Variants in LRRC4C observed in about 807,000 individuals in gnomAD.
LRRC4C encodes the protein leucine rich repeat containing 4C.
A neutral mutation model predicts 33.6 loss-of-function variants in LRRC4C; 5 were observed. The observed-to-expected ratio is 0.15, with a 90% CI of 0.08 to 0.31. LRRC4C has a LOEUF of 0.31. Among genes scored for constraint, LRRC4C ranks in the 10% least tolerant of loss-of-function variants. The pLI is 1.00. For missense variants in LRRC4C, 560 were observed against 796.7 expected, an observed-to-expected ratio of 0.70 and a Z score of 3.58; for synonymous variants, 329 against 302.0, an observed-to-expected ratio of 1.09 and a Z score of -0.93.
At chr11:40,744,918 A>C (rs1360890744) in intron 2 of LRRC4C, among the ~76,000 whole-genome samples, 1 of 152,206 alleles carries the variant, frequency 6.6e-6, no homozygotes, top group Non-Finnish European at 1.5e-5. Flanking sequence ...TACCAACTAC[A>C]GTAACATATA....
chr11:40,121,428 T>C (rs530420475), intron 6 of LRRC4C, among the ~76,000 whole-genome samples: 1 of 152,344 alleles, frequency 6.6e-6, no homozygotes, highest in Non-Finnish European at 1.5e-5. Flanking sequence ...AAAAGGTTTT[T>C]TACTTTAATA....
intron 1 of LRRC4C, among the ~76,000 whole-genome samples, chr11:41,355,522 C>T (rs1003436195): frequency 2.0e-5 from 3 of 152,002 alleles, no homozygotes; most frequent in African/African-American, 7.2e-5. Flanking sequence ...GTTGTTAATT[C>T]TTCCCAATTT....
intron 1 of LRRC4C, among the ~76,000 whole-genome samples, chr11:41,263,543 GT>G (rs1949050568): frequency 6.6e-6 from 1 of 152,218 alleles, no homozygotes; most frequent in South Asian, 2.1e-4. Context: ...TAAGATAATT[GT>G]TTTCTGCTAG....
At chr11:40,890,945 G>C (rs1046418600) in intron 2 of LRRC4C, among the ~76,000 whole-genome samples, 1 of 152,106 alleles carries the variant, frequency 6.6e-6, no homozygotes, top group Non-Finnish European at 1.5e-5. Context: ...AGGTCTCTTC[G>C]AAACTTGCCA....
At chr11:40,343,032 A>T (rs11035789) in intron 3 of LRRC4C, among the ~76,000 whole-genome samples, 73,735 of 151,416 alleles carry the variant, frequency 0.49, 18,533 homozygotes, top group East Asian at 0.84. Context: ...TTATATATAT[A>T]TTTTTTGCCT....
intron 1 of LRRC4C, among the ~76,000 whole-genome samples, chr11:41,272,979 A>G (rs1202806947): frequency 1.3e-5 from 2 of 152,200 alleles, no homozygotes; most frequent in Admixed American, 6.6e-5. Context: ...CATAAATTCA[A>G]CAAATATTTA....
chr11:41,235,856 A>G (rs1306212031), intron 1 of LRRC4C, among the ~76,000 whole-genome samples: 1 of 152,072 alleles, frequency 6.6e-6, no homozygotes, highest in Admixed American at 6.6e-5. Flanking sequence ...CTTTCAATTC[A>G]GCCTCCTTGA....
intron 2 of LRRC4C, among the ~76,000 whole-genome samples, chr11:40,728,851 G>C (rs1023803842): frequency 6.6e-6 from 1 of 151,914 alleles, no homozygotes; most frequent in Non-Finnish European, 1.5e-5. Context: ...TGCAGCGGGA[G>C]GTCATTATCC....
intron 1 of LRRC4C, among the ~76,000 whole-genome samples, chr11:41,262,095 A>G (rs1949000280): frequency 6.6e-6 from 1 of 152,144 alleles, no homozygotes; most frequent in African/African-American, 2.4e-5. Flanking sequence ...TGATAGGATC[A>G]GGAACTCTTA....
rs1159254765 is a variant in LRRC4C, at chr11:40,830,156, C to T, written c.-407+103479G>A. Among the ~76,000 whole-genome samples, 4 of 151,946 alleles carry T rather than the reference C, an allele frequency of 2.6e-5. No homozygotes were observed. In the East Asian group the frequency reaches 5.8e-4, roughly 22 times the overall value. On this transcript the variant is annotated intron_variant, in intron 2 of 6. Transcript: ENST00000528697. ...ACCAAAACACCAAAAAGGGAAATGG[C>T]AGAAATGTTAACTACTGAAATTTAT...
intron 1 of LRRC4C, among the ~76,000 whole-genome samples, chr11:41,017,863 C>T (rs923707674): frequency 2.6e-5 from 4 of 151,434 alleles, no homozygotes; most frequent in Non-Finnish European, 5.9e-5. Context: ...GCTATATTAA[C>T]TTGCACAAGA....
intron 2 of LRRC4C, among the ~76,000 whole-genome samples, chr11:40,912,127 A>T (rs1429757248): frequency 6.6e-6 from 1 of 152,204 alleles, no homozygotes; most frequent in African/African-American, 2.4e-5. Flanking sequence ...ACTCTGCAGG[A>T]TATTATCCAG....
At chr11:40,201,086 A>G (rs1862711280) in intron 5 of LRRC4C, among the ~76,000 whole-genome samples, 1 of 152,134 alleles carries the variant, frequency 6.6e-6, no homozygotes, top group Admixed American at 6.5e-5. Context: ...GACAGAGAAA[A>G]AGAGAGAGAG....
At chr11:40,563,209 A>T (rs1161447378) in intron 3 of LRRC4C, among the ~76,000 whole-genome samples, 1 of 152,194 alleles carries the variant, frequency 6.6e-6, no homozygotes, top group Non-Finnish European at 1.5e-5. Flanking sequence ...GCAAGGACAT[A>T]GACTGAGATG....
intron 5 of LRRC4C, among the ~76,000 whole-genome samples, chr11:40,199,915 C>T (rs182364432): frequency 6.6e-6 from 1 of 152,128 alleles, no homozygotes; most frequent in Admixed American, 6.5e-5. Context: ...GATGAGAAAG[C>T]AAACTTGGAG....
chr11:40,160,172 G>C (rs1324228900), intron 5 of LRRC4C, among the ~76,000 whole-genome samples: 1 of 150,430 alleles, frequency 6.6e-6, no homozygotes, highest in African/African-American at 2.4e-5. Flanking sequence ...GAGAAGAGTT[G>C]CGAAGATTTT....
chr11:41,333,687 C>T lies in LRRC4C; in HGVS notation c.-496+125744G>A, dbSNP rs549759071. Among the ~76,000 whole-genome samples the T allele has an allele frequency of 3.3e-5, 5 of 152,208 alleles. No homozygotes were observed. In the South Asian group the frequency reaches 1.0e-3, roughly 32 times the overall value. On this transcript the variant is annotated intron_variant, in intron 1 of 6. Coordinates refer to ENST00000528697, the MANE Select transcript of LRRC4C (RefSeq NM_001258419.2). ...GGCCTTTTATTCAGTGATATTTTTG[C>T]AGGTGAATTAATGCTACTTTTCTCA...
chr11:40,605,789 A>G (rs563961162), intron 3 of LRRC4C, among the ~76,000 whole-genome samples: 3 of 152,184 alleles, frequency 2.0e-5, no homozygotes, highest in Admixed American at 6.6e-5. Flanking sequence ...CTTCCTCACC[A>G]TAGTTCCTGC....
At chr11:40,736,319 C>T (rs1947863943) in intron 2 of LRRC4C, among the ~76,000 whole-genome samples, 1 of 152,024 alleles carries the variant, frequency 6.6e-6, no homozygotes, top group Non-Finnish European at 1.5e-5. Context: ...CAGCTTCATC[C>T]ATGTCCCTGC....
Sources: allele counts gnomAD v4.1 joint callset (sites outside exome capture counted in the v4.1 genomes callset), GRCh38; gene constraint gnomAD v4.1.1; transcripts MANE v1.5; gene names NCBI Gene and HGNC (gene_info 2026-07-23, HGNC 2026-07-21).